The following PAPPA variants were observed in gnomAD, a reference collection of about 807,000 sequenced individuals.
PAPPA encodes the protein pappalysin-1.
Under a neutral mutation model 164.0 loss-of-function variants are expected in PAPPA, and 60 were observed. The observed-to-expected ratio is 0.37, with a 90% CI of 0.30 to 0.45. The LOEUF (loss-of-function observed/expected upper bound fraction) is 0.45. Among genes scored for constraint, PAPPA ranks in the 20% least tolerant of loss-of-function variants. PAPPA has a pLI of 1.00. For missense variants in PAPPA, 1,782 were observed against 2,087.3 expected (o/e 0.85, Z 2.85); for synonymous variants, 875 against 814.1 (o/e 1.07, Z -1.27).
At position 116,392,440 on chromosome 9, in the gene PAPPA, G is replaced by C. The variant is rs76767854; in HGVS notation, c.4777-4069G>C. Among the ~76,000 whole-genome samples the C allele has an allele frequency of 1.2e-4, 18 of 152,248 alleles. No homozygotes were observed. The East Asian group carries it at 3.5e-3, about 30-fold the overall frequency. ...GCAAGATGGGGAGCTAATAATGATA[G>C]TCTCCCAAGGTGGTGCAGAGTCAGA... On this transcript the variant is annotated intron_variant, in intron 21 of 21. Coordinates refer to ENST00000328252, the MANE Select transcript of PAPPA (RefSeq NM_002581.5).
intron 7 of PAPPA, among the ~76,000 whole-genome samples, chr9:116,250,535 C>T (rs1587971849): frequency 1.3e-5 from 2 of 152,230 alleles, no homozygotes; most frequent in East Asian, 3.9e-4. Flanking sequence ...TATTCAAAGT[C>T]ATCCAGCTCT....
intron 5 of PAPPA, among the ~76,000 whole-genome samples, chr9:116,220,689 C>T (rs572455019): frequency 6.6e-6 from 1 of 151,704 alleles, no homozygotes; most frequent in South Asian, 2.1e-4. Context: ...GAGTTCGAGA[C>T]CAGCCTGACC....
At chr9:116,223,943 T>C (rs1474321476) in intron 5 of PAPPA, among the ~76,000 whole-genome samples, 1 of 152,172 alleles carries the variant, frequency 6.6e-6, no homozygotes, top group East Asian at 1.9e-4. Context: ...AAGATAACGG[T>C]GAAATGCCAA....
intron 9 of PAPPA, among the ~76,000 whole-genome samples, chr9:116,302,493 G>A (rs896024069): frequency 1.3e-5 from 2 of 151,876 alleles, no homozygotes; most frequent in African/African-American, 2.4e-5. Flanking sequence ...GTCTTTCTGT[G>A]ACTGGATTAT....
chr9:116,226,984 A>G (rs1844518220), intron 5 of PAPPA, among the ~76,000 whole-genome samples: 1 of 152,242 alleles, frequency 6.6e-6, no homozygotes, highest in African/African-American at 2.4e-5. Flanking sequence ...CCATCTTCAT[A>G]TTTAATGCCT....
intron 1 of PAPPA, among the ~76,000 whole-genome samples, chr9:116,170,636 C>T (rs1375269796): frequency 6.8e-6 from 1 of 146,278 alleles, no homozygotes; most frequent in Non-Finnish European, 1.5e-5. Context: ...CCCACTCCCT[C>T]CCTCTCTTCC....
chr9:116,362,687 A>T lies in PAPPA; in HGVS notation c.4443A>T (p.Pro1481=). 2 of 1,614,066 alleles carry T rather than the reference A, an allele frequency of 1.2e-6. No homozygotes were observed. The highest frequency in any genetic ancestry group is 1.7e-6 in the Non-Finnish European group (2 of 1,179,988). The change falls in exon 18 of 22, where the codon CCA becomes CCT. Residue 1481 remains proline, a synonymous_variant. Transcript: ENST00000328252. ...AGATGCAAGGCCAGTGCTCGGTTCC[A>T]AACGAGCTCAACAGCAACCTCAAAC... The part of the protein sequence containing the change: ...CQEMQGQCSV[P]NELNSNLKLQ...
intron 2 of PAPPA, among the ~76,000 whole-genome samples, chr9:116,206,043 G>A (rs562782481): frequency 4.9e-4 from 74 of 152,100 alleles, no homozygotes; most frequent in Non-Finnish European, 7.2e-4. Context: ...CTCCTTCCTC[G>A]TTCTCTTCCC....
intron 13 of PAPPA, 126 bp from the exon 14 acceptor site, chr9:116,344,417 C>A: frequency 1.1e-6 from 1 of 874,464 alleles, no homozygotes; most frequent in Non-Finnish European, 1.8e-6. Context: ...AGCCAGCACC[C>A]CTTTCTGTCC....
chr9:116,321,654 T>G (rs1241827244), intron 10 of PAPPA, among the ~76,000 whole-genome samples: 1 of 152,202 alleles, frequency 6.6e-6, no homozygotes, highest in African/African-American at 2.4e-5. Context: ...GTTATTATTA[T>G]CTCTAAACAT....
chr9:116,204,286 T>A (rs1309149578), intron 2 of PAPPA, among the ~76,000 whole-genome samples: 1 of 152,244 alleles, frequency 6.6e-6, no homozygotes, highest in African/African-American at 2.4e-5. Context: ...ACACACAGCT[T>A]AATCTACAGA....
At chr9:116,293,161 T>C (rs754959586) in intron 9 of PAPPA, among the ~76,000 whole-genome samples, 1 of 152,164 alleles carries the variant, frequency 6.6e-6, no homozygotes, top group Non-Finnish European at 1.5e-5. Context: ...ATAACACTAG[T>C]TTAGATAACG....
intron 2 of PAPPA, among the ~76,000 whole-genome samples, chr9:116,189,278 T>C (rs977648680): frequency 6.6e-6 from 1 of 152,204 alleles, no homozygotes; most frequent in Non-Finnish European, 1.5e-5. Context: ...TAAATACTTT[T>C]GGCACAAAAC....
At chr9:116,169,359 A>C (rs1427710883) in intron 1 of PAPPA, among the ~76,000 whole-genome samples, 3 of 103,380 alleles carry the variant, frequency 2.9e-5, no homozygotes, top group Admixed American at 1.4e-4. Context: ...TCACTCTGTC[A>C]CTCAGGCTGG....
intron 18 of PAPPA, 49 bp downstream of exon 18, chr9:116,362,788 C>G: frequency 6.3e-7 from 1 of 1,576,116 alleles, no homozygotes; most frequent in African/African-American, 1.3e-5. Context: ...TTCCTTCCAG[C>G]AATGCAGGGC....
rs887077534 is a variant in PAPPA at position 116,187,408 on chromosome 9, G to T, written c.670G>T (p.Val224Leu). 8 of 1,614,148 alleles carry T rather than the reference G, an allele frequency of 5.0e-6. No homozygotes were observed. The highest frequency in any genetic ancestry group is 6.8e-6 in the Non-Finnish European group (8 of 1,180,048). The change falls in exon 2 of 22, where the codon GTG (valine) becomes TTG (leucine). Residue 224 changes from valine (V) to leucine (L), a missense_variant. This residue lies in a region of PAPPA where 458 missense variants were observed against 430.3 expected (regional missense o/e 1.06). Transcript: ENST00000328252. The surrounding 1 kb of genome is among the most constrained non-coding windows in gnomAD (Gnocchi z 4.2). ...GAQVATSGEQVGGIFSPLTQK... is the reference protein window; with the variant it reads ...GAQVATSGEQLGGIFSPLTQK... ...CCAGGTGGCCACCTCTGGGGAACAA[G>T]TGGGTGGCATATTCAGCCCACTGAC... is the stretch of plus-strand genomic sequence containing the variant.
intron 2 of PAPPA, among the ~76,000 whole-genome samples, chr9:116,197,437 AT>A (rs1844121992): frequency 6.6e-6 from 1 of 152,280 alleles, no homozygotes; most frequent in African/African-American, 2.4e-5. Context: ...TCCTACTCAT[AT>A]TTCTCAAGTC....
At chr9:116,250,623 G>T (rs1844849466) in intron 7 of PAPPA, among the ~76,000 whole-genome samples, 1 of 152,174 alleles carries the variant, frequency 6.6e-6, no homozygotes, top group South Asian at 2.1e-4. Context: ...TTTAAGCAGA[G>T]AATTTTGAGA....
At chr9:116,162,876 C>A (rs771435090) in intron 1 of PAPPA, among the ~76,000 whole-genome samples, 3 of 152,214 alleles carry the variant, frequency 2.0e-5, no homozygotes, top group South Asian at 2.1e-4. Context: ...TTATTGCTGT[C>A]ATCTTAACAT....
Sources: allele counts gnomAD v4.1 joint callset (sites outside exome capture counted in the v4.1 genomes callset), GRCh38; gene constraint gnomAD v4.1.1; regional missense constraint gnomAD v4.1.1; non-coding constraint Gnocchi (gnomAD v3.1); transcripts MANE v1.5; gene names NCBI Gene and HGNC (gene_info 2026-07-23, HGNC 2026-07-21).